Variants in FER1L6 observed in about 807,000 individuals in gnomAD.
FER1L6 encodes fer-1-like protein 6.
Under a neutral mutation model 219.2 loss-of-function variants are expected in FER1L6, and 177 were observed. That is an observed-to-expected ratio of 0.81 (90% CI 0.71 to 0.91). The LOEUF (loss-of-function observed/expected upper bound fraction) is 0.91. FER1L6 is among the 40% of genes least tolerant of loss of function. FER1L6 has a pLI of 0.00. For missense variants in FER1L6, 2,153 were observed against 2,259.9 expected (o/e 0.95, Z 0.96); for synonymous variants, 768 against 824.3 (o/e 0.93, Z 1.17).
intron 18 of FER1L6, among the ~76,000 whole-genome samples, chr8:124,025,756 TG>T (rs375856685): frequency 6.6e-6 from 1 of 152,194 alleles, no homozygotes. Flanking sequence ...ATCTGTTGAT[TG>T]TTTGGGGCAG....
chr8:124,051,661 A>G (rs1438754909), intron 22 of FER1L6, among the ~76,000 whole-genome samples: 1 of 152,238 alleles, frequency 6.6e-6, no homozygotes, highest in African/African-American at 2.4e-5. Context: ...TACTTGCTCA[A>G]TATGGCGAGT....
chr8:123,874,793 C>T (rs978332624), intron 1 of FER1L6, among the ~76,000 whole-genome samples: 1 of 152,198 alleles, frequency 6.6e-6, no homozygotes, highest in African/African-American at 2.4e-5. Flanking sequence ...TGTTCCCTCT[C>T]TAGTGGATCA....
intron 34 of FER1L6, 91 bp from the exon 35 acceptor site, chr8:124,094,805 A>C: frequency 7.1e-7 from 1 of 1,399,332 alleles, no homozygotes; most frequent in Non-Finnish European, 1.0e-6. Flanking sequence ...CATTTAAATA[A>C]GCCTGTAAGT....
chr8:123,940,629 C>T (rs972324668), intron 1 of FER1L6, among the ~76,000 whole-genome samples: 2 of 152,198 alleles, frequency 1.3e-5, no homozygotes, highest in Non-Finnish European at 2.9e-5. Context: ...TGAGCCACTG[C>T]ACCTGCTCAG....
chr8:124,003,773 A>G (rs1322383913), intron 13 of FER1L6, among the ~76,000 whole-genome samples: 8 of 151,948 alleles, frequency 5.3e-5, no homozygotes, highest in African/African-American at 1.9e-4. Flanking sequence ...GGCCAGAAAC[A>G]TAATTTTTTA....
At chr8:123,870,845 A>G (rs1408262789) in intron 1 of FER1L6, among the ~76,000 whole-genome samples, 1 of 152,250 alleles carries the variant, frequency 6.6e-6, no homozygotes, top group Non-Finnish European at 1.5e-5. Flanking sequence ...AAGATGGGAC[A>G]CAGAACATGA....
chr8:123,856,666 CTATA>C (rs1816655990), intron 1 of FER1L6, among the ~76,000 whole-genome samples: 1 of 151,620 alleles, frequency 6.6e-6, no homozygotes, highest in African/African-American at 2.4e-5. Flanking sequence ...CCTGGCACCT[CTATA>C]TATGAGGGCA....
chr8:124,023,643 C>T (rs1818568730), intron 18 of FER1L6, 47 bp downstream of exon 18: 6 of 1,594,026 alleles, frequency 3.8e-6, no homozygotes, highest in African/African-American at 1.3e-5. Context: ...TTCTGTTTCT[C>T]TAGGGTGGCT....
chr8:124,087,862 G>A (rs1821849797), intron 33 of FER1L6, among the ~76,000 whole-genome samples: 1 of 152,134 alleles, frequency 6.6e-6, no homozygotes, highest in African/African-American at 2.4e-5. Context: ...GGGTGGTCTT[G>A]GGTAAGATCC....
chr8:124,012,182 T>G (rs1817966403), intron 14 of FER1L6, among the ~76,000 whole-genome samples: 1 of 152,238 alleles, frequency 6.6e-6, no homozygotes, highest in African/African-American at 2.4e-5. Flanking sequence ...AAGAACAAAT[T>G]TCTCTGTCCC....
At chr8:123,892,786 A>C (rs1812673286) in intron 1 of FER1L6, among the ~76,000 whole-genome samples, 1 of 152,224 alleles carries the variant, frequency 6.6e-6, no homozygotes, top group African/African-American at 2.4e-5. Flanking sequence ...TCCAACAGCA[A>C]AATTTCAAGT....
At chr8:123,936,935 C>T (rs941755540) in intron 1 of FER1L6, among the ~76,000 whole-genome samples, 2 of 151,980 alleles carry the variant, frequency 1.3e-5, no homozygotes, top group South Asian at 2.1e-4. Context: ...TGTGGAGTGT[C>T]GCATTTGTTG....
intron 1 of FER1L6, among the ~76,000 whole-genome samples, chr8:123,933,378 C>CTGTGTG (rs767541659): frequency 2.3e-5 from 3 of 130,242 alleles, no homozygotes; most frequent in African/African-American, 9.1e-5. Context: ...ATATGTGTGT[C>CTGTGTG]TGTGTGTGTG....
At chr8:123,963,185 ATGG>A in intron 2 of FER1L6, 90 bp from the exon 3 acceptor site, 1 of 1,538,614 alleles carries the variant, frequency 6.5e-7, no homozygotes, top group Non-Finnish European at 8.8e-7. Context: ...TGTACCACTT[ATGG>A]TGCCTGCCAC....
chr8:123,966,384 C>T lies in FER1L6; in HGVS notation c.384+94C>T, dbSNP rs539823825. Reference sequence around the variant, plus strand: ...CAGTCAAACAAAGAGCTGTGCCCCTCCTGCCTCCCTCCCTGGCCCCCAGTT... The same window carrying T: ...CAGTCAAACAAAGAGCTGTGCCCCTTCTGCCTCCCTCCCTGGCCCCCAGTT... On this transcript the variant is annotated intron_variant, in intron 5 of 40. Transcript: ENST00000522917. The T allele has an allele frequency of 5.4e-5, 81 of 1,499,156 alleles. No individual in the cohort carries two copies. The African/African-American group carries it at 9.9e-4, about 18-fold the overall frequency. The allele number at this position is 1,499,156 out of a possible 1,614,324, so 92.9% of individuals were successfully genotyped here.
intron 39 of FER1L6, among the ~76,000 whole-genome samples, chr8:124,115,898 G>A (rs1823225428): frequency 6.6e-6 from 1 of 152,132 alleles, no homozygotes; most frequent in African/African-American, 2.4e-5. Flanking sequence ...TATATGTGTT[G>A]TGCTATGCTA....
chr8:123,947,451 T>C (rs1463825027), intron 1 of FER1L6, among the ~76,000 whole-genome samples: 1 of 152,180 alleles, frequency 6.6e-6, no homozygotes, highest in Admixed American at 6.5e-5. Flanking sequence ...GATTATTATC[T>C]TTTGCCTGTG....
chr8:124,069,466 C>T lies in FER1L6; in HGVS notation c.3825C>T (p.Ala1275=). The change falls in exon 29 of 41, where the codon GCC becomes GCT. Residue 1275 remains alanine, a synonymous_variant. Coordinates refer to ENST00000522917, the MANE Select transcript of FER1L6 (RefSeq NM_001039112.2). ...KPKDDGIPNL[A]ILQIYDGDLE... Reference sequence around the variant, plus strand: ...AAGATGATGGAATCCCCAACCTGGCCATCTTGCAGGTATGTGGGGACACAG... The same window carrying T: ...AAGATGATGGAATCCCCAACCTGGCTATCTTGCAGGTATGTGGGGACACAG... 1 of 1,608,038 alleles carries T rather than the reference C, an allele frequency of 6.2e-7. No individual in the cohort carries two copies. The highest frequency in any genetic ancestry group is 8.5e-7 in the Non-Finnish European group (1 of 1,177,738).
intron 21 of FER1L6, chr8:124,046,480 G>C (rs1389289765): frequency 6.6e-6 from 1 of 152,184 alleles, no homozygotes; most frequent in African/African-American, 2.4e-5. Flanking sequence ...AGAGTCCAAA[G>C]CTTACTGGAG....
Sources: allele counts gnomAD v4.1 joint callset (sites outside exome capture counted in the v4.1 genomes callset), GRCh38; gene constraint gnomAD v4.1.1; transcripts MANE v1.5; gene names NCBI Gene and HGNC (gene_info 2026-07-23, HGNC 2026-07-21).